Variants in SKA3 observed in about 807,000 individuals in gnomAD.
SKA3 encodes spindle and kinetochore-associated protein 3.
In SKA3, 39 loss-of-function variants were observed where a neutral mutation model predicts 44.2. The ratio of observed to expected loss-of-function variants is 0.88; its 90% confidence interval spans 0.68 to 1.15. The LOEUF (loss-of-function observed/expected upper bound fraction) is 1.15. Among genes scored for constraint, SKA3 ranks in the 50% most tolerant of loss-of-function variants. The probability of loss-of-function intolerance (pLI) is 0.00; values close to 1 mark genes in which losing one functional copy is unlikely to be tolerated. For missense variants in SKA3, 511 were observed against 485.8 expected (o/e 1.05, Z -0.49); for synonymous variants, 192 against 172.0 (o/e 1.12, Z -0.91).
At chr13:21,160,600 C>A (rs943751347) in intron 5 of SKA3, among the ~76,000 whole-genome samples, 2 of 152,010 alleles carry the variant, frequency 1.3e-5, no homozygotes, top group Non-Finnish European at 1.5e-5. Flanking sequence ...CTGGAAAAGA[C>A]GGAGAAACAG....
rs1221940295 is a variant in SKA3 at position 21,154,498 on chromosome 13, TAAGAG to T, written c.*647_*651del. On this transcript the variant is annotated 3_prime_UTR_variant, in exon 9 of 9. Coordinates refer to ENST00000314759, the MANE Select transcript of SKA3 (RefSeq NM_145061.6). The stretch of plus-strand genomic sequence containing the variant: ...TGCCATGTGATAGAAAGAGCTGACA[TAAGAG>T]AAAAGACCCCCACACAGTGAAAAGC... 1 of 153,210 alleles carries T rather than the reference TAAGAG, an allele frequency of 6.5e-6. No individual in the cohort carries two copies. The highest frequency in any genetic ancestry group is 2.4e-5 in the African/African-American group (1 of 41,404). The allele number at this position is 153,210 out of a possible 1,614,324, so 9.5% of individuals were successfully genotyped here. A position where few individuals can be genotyped will look rare whatever the true frequency, so the allele number is the denominator to read the frequency against.
intron 7 of SKA3, 49 bp downstream of exon 7, chr13:21,157,873 T>C (rs1424378338): frequency 2.7e-6 from 3 of 1,105,120 alleles, no homozygotes; most frequent in South Asian, 3.6e-5. Context: ...ATATTTCATA[T>C]TGAAAAGAAT....
intron 6 of SKA3, 54 bp from the exon 7 acceptor site, chr13:21,158,179 A>G: frequency 9.7e-7 from 1 of 1,028,982 alleles, no homozygotes; most frequent in East Asian, 4.2e-5. Context: ...AATGTAGTAA[A>G]TAAAAATAGT....
At chr13:21,165,139 T>C (rs980577108) in intron 4 of SKA3, among the ~76,000 whole-genome samples, 2 of 152,070 alleles carry the variant, frequency 1.3e-5, no homozygotes, top group Non-Finnish European at 2.9e-5. Flanking sequence ...TAACTAATTG[T>C]TCCAGTATAA....
rs567599786 is a variant in SKA3, at chr13:21,154,602, A to G, written c.*548T>C. On this transcript the variant is annotated 3_prime_UTR_variant, in exon 9 of 9. Coordinates refer to ENST00000314759, the MANE Select transcript of SKA3 (RefSeq NM_145061.6). ...ACTGTTGAGACCTGTCTCTACCTCCAATGGTCACAGTATATAGTTACCCAG... is the reference window on the plus strand; with the variant it reads ...ACTGTTGAGACCTGTCTCTACCTCCGATGGTCACAGTATATAGTTACCCAG... 3 of 155,984 alleles carry G rather than the reference A, an allele frequency of 1.9e-5. No homozygotes were observed. Among genetic ancestry groups the G allele is most frequent in the East Asian group, 1.8e-4 (1 of 5,410 alleles). 9.7% of individuals were successfully genotyped at this position (155,984 alleles called of 1,614,324 possible).
At chr13:21,165,424 A>AAAAT (rs377617132) in intron 4 of SKA3, among the ~76,000 whole-genome samples, 3,694 of 151,472 alleles carry the variant, frequency 0.024, 131 homozygotes, top group African/African-American at 0.084. Flanking sequence ...CCTGTCTCTA[A>AAAAT]AAATAAATAA....
At position 21,176,411 on chromosome 13, in the gene SKA3, C is replaced by T. The variant is rs777062352; in HGVS notation, c.67G>A (p.Ala23Thr). 5.7e-6 allele frequency: 9 copies of T among 1,583,012 alleles called. No homozygotes were observed. The highest frequency in any genetic ancestry group is 1.7e-4 in the Middle Eastern group (1 of 5,920). Reference sequence around the variant, plus strand: ...CCGTCCAGCGCTCGCTGCAGCCGGGCCGTCTCGCAGTCCAGCGTGCTGGCC... The same window carrying T: ...CCGTCCAGCGCTCGCTGCAGCCGGGTCGTCTCGCAGTCCAGCGTGCTGGCC... ...SLASTLDCET[A>T]RLQRALDGEE... Residue 23 changes from alanine to threonine, a missense_variant, in exon 1 of 9, where the codon GCC (alanine) becomes ACC (threonine). By Grantham distance (58) the Ala-to-Thr change is moderately conservative. Coordinates refer to ENST00000314759, the MANE Select transcript of SKA3 (RefSeq NM_145061.6).
Position 21,172,500 on chromosome 13 carries a change from T to A in SKA3, c.170A>T (p.Asp57Val), listed in dbSNP as rs1871119587. The A allele has an allele frequency of 6.4e-7, 1 of 1,571,260 alleles. No homozygotes were observed. The highest frequency in any genetic ancestry group is 8.6e-7 in the Non-Finnish European group (1 of 1,159,796). ...TGCTTTATCAAGAAGAATATTAACA[T>A]CATCCTTTTATGAATAAAGAAAGTA... The part of the protein sequence containing the change: ...LHSEVQTLKD[D>V]VNILLDKARL... The change falls in exon 3 of 9, where the codon GAT becomes GTT. Residue 57 changes from aspartate (D) to valine (V), a missense_variant. Asp to Val is a radical substitution (Grantham distance 152). Transcript: ENST00000314759.
rs754492811 is a variant in SKA3 at position 21,165,699 on chromosome 13, CT to C, written c.743+2288del. Among the ~76,000 whole-genome samples, 8 of 152,168 alleles carry C rather than the reference CT, an allele frequency of 5.3e-5. No homozygotes were observed. In the South Asian group the frequency reaches 6.2e-4, roughly 12 times the overall value. ...CCTGTAATCCCAGCACTCTGGGAGG[CT>C]GAGACAGGTGGATTACTTGAGCCCA... On this transcript the variant is annotated intron_variant, in intron 4 of 8. Transcript: ENST00000314759.
intron 4 of SKA3, among the ~76,000 whole-genome samples, chr13:21,164,361 T>G (rs1320086543): frequency 6.6e-6 from 1 of 152,198 alleles, no homozygotes; most frequent in Non-Finnish European, 1.5e-5. Flanking sequence ...TTCTTTCCAA[T>G]TCTCCCCATT....
chr13:21,168,407 G>GA lies in SKA3; in HGVS notation c.332-9dup. On this transcript the variant is annotated splice_polypyrimidine_tract_variant and intron_variant, in intron 3 of 8. Transcript: ENST00000314759. ...TGGCTTCTTGCTCGTGTACTAGGAG[G>GA]AAAAATCAGAATATTCTGGTCAAAC... 1 of 1,166,794 alleles carries GA rather than the reference G, an allele frequency of 8.6e-7. No individual in the cohort carries two copies. The highest frequency in any genetic ancestry group is 1.1e-6 in the Non-Finnish European group (1 of 883,280). 72.3% of individuals were successfully genotyped at this position (1,166,794 alleles called of 1,614,324 possible). A position where few individuals can be genotyped will look rare whatever the true frequency, so the allele number is the denominator to read the frequency against.
chr13:21,156,173 C>T (rs1261378694), intron 7 of SKA3, among the ~76,000 whole-genome samples: 6 of 114,088 alleles, frequency 5.3e-5, no homozygotes, highest in Middle Eastern at 5.2e-3. Context: ...GGAGACAGAG[C>T]GAGACTTGGT....
rs764238538 is a variant in SKA3 at position 21,155,156 on chromosome 13, A to G, written c.*-6T>C. The G allele has an allele frequency of 4.1e-6, 5 of 1,217,146 alleles. No individual in the cohort carries two copies. In the African/African-American group the frequency reaches 7.1e-5, roughly 17 times the overall value. The allele number at this position is 1,217,146 out of a possible 1,614,324, so 75.4% of individuals were successfully genotyped here. On this transcript the variant is annotated splice_region_variant and splice_polypyrimidine_tract_variant and intron_variant, in intron 8 of 8. Transcript: ENST00000314759. The stretch of plus-strand genomic sequence containing the variant: ...GGATAGATCCACTGGAATTTCTGCA[A>G]CAGATACAAATAACAAATATCAATT...
chr13:21,171,816 G>A (rs1745195337), intron 3 of SKA3, among the ~76,000 whole-genome samples: 1 of 152,134 alleles, frequency 6.6e-6, no homozygotes, highest in Non-Finnish European at 1.5e-5. Context: ...GGTGGAATAC[G>A]GATTTGAACT....
intron 6 of SKA3, 80 bp downstream of exon 6, chr13:21,159,822 A>G (rs1436798137): frequency 3.0e-5 from 31 of 1,049,998 alleles, no homozygotes; most frequent in Non-Finnish European, 4.3e-5. Context: ...TCTTCTAAAC[A>G]GACTCTTTGA....
At chr13:21,164,529 TGTACTCTTCTAACA>T (rs917464344) in intron 4 of SKA3, among the ~76,000 whole-genome samples, 12 of 152,232 alleles carry the variant, frequency 7.9e-5, no homozygotes, top group Admixed American at 6.5e-4. Flanking sequence ...CACGTTTCAT[TGTACTCTTCTAACA>T]GTTAAAACAA....
At chr13:21,171,829 G>C (rs1195033526) in intron 3 of SKA3, among the ~76,000 whole-genome samples, 1 of 152,132 alleles carries the variant, frequency 6.6e-6, no homozygotes, top group African/African-American at 2.4e-5. Context: ...TTTGAACTCA[G>C]GCATTTTGAC....
At chr13:21,164,223 G>A (rs1870590508) in intron 4 of SKA3, among the ~76,000 whole-genome samples, 1 of 152,088 alleles carries the variant, frequency 6.6e-6, no homozygotes, top group African/African-American at 2.4e-5. Flanking sequence ...CTTCGTCATT[G>A]GTCAAATATT....
At chr13:21,164,108 ATGTC>A (rs1391095833) in intron 4 of SKA3, among the ~76,000 whole-genome samples, 3 of 151,778 alleles carry the variant, frequency 2.0e-5, no homozygotes, top group Non-Finnish European at 4.4e-5. Flanking sequence ...AAAAATTGGG[ATGTC>A]TGTCTTTCAC....
Sources: gnomAD v4.1 joint callset for allele counts (sites outside exome capture counted in the v4.1 genomes callset) on GRCh38, gnomAD v4.1.1 for gene constraint, MANE v1.5 for transcripts, NCBI Gene and HGNC (gene_info 2026-07-23, HGNC 2026-07-21) for gene names.